The following CLDN16 variants were observed in gnomAD, a reference collection of about 807,000 sequenced individuals.
CLDN16 encodes the protein claudin 16.
Under a neutral mutation model 24.6 loss-of-function variants are expected in CLDN16, and 13 were observed. The ratio of observed to expected loss-of-function variants is 0.53; its 90% CI spans 0.34 to 0.84. The LOEUF (loss-of-function observed/expected upper bound fraction) is 0.84, where lower values mean the gene tolerates loss of function less well. CLDN16 is among the 40% of genes least tolerant of loss of function. The pLI is 0.01. For missense variants in CLDN16, 298 were observed against 292.7 expected, an observed-to-expected ratio of 1.02 and a Z score of -0.13; for synonymous variants, 116 against 106.7, an observed-to-expected ratio of 1.09 and a Z score of -0.54.
At chr3:190,308,219 G>A in the CLDN16 span, 1 of 1,581,782 alleles carries the variant, frequency 6.3e-7, no homozygotes, top group South Asian at 1.1e-5. Flanking sequence ...GTTAATGATA[G>A]TATCTCAATG....
Position 190,410,395 on chromosome 3 carries a change from G to A in CLDN16, c.*359G>A. On this transcript the variant is annotated 3_prime_UTR_variant, in exon 5 of 5. Transcript: ENST00000264734. ...GAAAGCAATTTCCAAAGAGGCCAGG[G>A]ACCCTAATCTTTGAAGAGATGAAGA... 5.5e-6 allele frequency: 1 copy of A among 181,382 alleles called. No individual in the cohort carries two copies. Among genetic ancestry groups the A allele is most frequent in the Non-Finnish European group, 1.2e-5 (1 of 86,144 alleles). The allele number at this position is 181,382 out of a possible 1,614,324, so 11.2% of individuals were successfully genotyped here. A position where few individuals can be genotyped will look rare whatever the true frequency, so the allele number is the denominator to read the frequency against.
At chr3:190,382,282 T>G (rs1384267001) in intron 3 of CLDN16, among the ~76,000 whole-genome samples, 1 of 152,118 alleles carries the variant, frequency 6.6e-6, no homozygotes, top group Non-Finnish European at 1.5e-5. Flanking sequence ...GATGAACATC[T>G]TGTTTTTCCA....
intron 1 of CLDN16, among the ~76,000 whole-genome samples, chr3:190,346,156 C>A (rs146037645): frequency 6.6e-6 from 1 of 150,950 alleles, no homozygotes; most frequent in Non-Finnish European, 1.5e-5. Context: ...ACACCGAGAC[C>A]GAAGGAAAGA....
At chr3:190,333,092 T>C (rs980917743) in intron 1 of CLDN16, among the ~76,000 whole-genome samples, 2 of 152,126 alleles carry the variant, frequency 1.3e-5, no homozygotes, top group African/African-American at 4.8e-5. Flanking sequence ...CATACCCAAA[T>C]AAACCTTTAC....
rs564914540 is a variant in CLDN16, at chr3:190,326,909, A to G, written n.121+4248A>G. On this transcript the variant is annotated intron_variant and non_coding_transcript_variant, in intron 1 of 4. Coordinates refer to the CLDN16 transcript ENST00000468220. ...AGATCCTTTTTATCTTAGAGATACTAGAAACATTCAACTGATTTGAACAAG... is the reference window on the plus strand; with the variant it reads ...AGATCCTTTTTATCTTAGAGATACTGGAAACATTCAACTGATTTGAACAAG... 3.1e-4 allele frequency among the ~76,000 whole-genome samples: 47 copies of G among 152,344 alleles called. No homozygotes were observed. In the South Asian group the frequency reaches 8.9e-3, roughly 29 times the overall value.
chr3:190,375,053 T>C (rs1266975907), intron 3 of CLDN16, among the ~76,000 whole-genome samples: 1 of 151,992 alleles, frequency 6.6e-6, no homozygotes, highest in Admixed American at 6.6e-5. Context: ...GTACCTTGTG[T>C]GTTATTGCAA....
intron 1 of CLDN16, among the ~76,000 whole-genome samples, chr3:190,352,258 G>A (rs1717686294): frequency 6.6e-6 from 1 of 151,822 alleles, no homozygotes; most frequent in Non-Finnish European, 1.5e-5. Flanking sequence ...AGTAAGAAAA[G>A]TTTGCCAAGT....
At chr3:190,298,454 C>CT in the CLDN16 span, among the ~76,000 whole-genome samples, 44,730 of 139,574 alleles carry the variant, frequency 0.32, 7,857 homozygotes, top group East Asian at 0.48. Flanking sequence ...CTGGGAGTTG[C>CT]TTTTTTTTTT....
At chr3:190,371,039 T>TATATATATAA (rs1162902114) in intron 2 of CLDN16, 1 of 2,992 alleles carries the variant, frequency 3.3e-4, no homozygotes, top group Admixed American at 3.8e-3. Flanking sequence ...TATATATATA[T>TATATATATAA]AAAATATATA....
At chr3:190,357,541 C>A (rs78705677) in intron 1 of CLDN16, among the ~76,000 whole-genome samples, 1 of 151,854 alleles carries the variant, frequency 6.6e-6, no homozygotes, top group East Asian at 1.9e-4. Context: ...CAAATGTGAC[C>A]CCTAAGGAAT....
chr3:190,342,737 G>A (rs114521052), intron 1 of CLDN16, among the ~76,000 whole-genome samples: 5,973 of 152,178 alleles, frequency 0.039, 395 homozygotes, highest in African/African-American at 0.13. Context: ...TTCAATAAAT[G>A]GTGCTCAGAA....
intron 1 of CLDN16, among the ~76,000 whole-genome samples, chr3:190,335,023 C>CTTTTTTTTTTTTTTTTTTTTTTTTTT (rs57744577): frequency 7.4e-6 from 1 of 134,346 alleles, no homozygotes; most frequent in Non-Finnish European, 1.6e-5. Context: ...TTTCTTTTTT[C>CTTTTTTTTTTTTTTTTTTTTTTTTTT]TTTTTTTTTT....
At chr3:190,334,620 T>G (rs778520806) in intron 1 of CLDN16, among the ~76,000 whole-genome samples, 1 of 152,236 alleles carries the variant, frequency 6.6e-6, no homozygotes, top group Non-Finnish European at 1.5e-5. Flanking sequence ...GAGAAGCACC[T>G]TTAGAAAGTC....
chr3:190,405,800 T>C (rs945964968), intron 3 of CLDN16, among the ~76,000 whole-genome samples: 1 of 152,218 alleles, frequency 6.6e-6, no homozygotes, highest in African/African-American at 2.4e-5. Flanking sequence ...GCATGACTAA[T>C]AAACAACATA....
chr3:190,312,747 C>T, the CLDN16 span: 5 of 1,043,876 alleles, frequency 4.8e-6, no homozygotes, highest in East Asian at 9.5e-5. Flanking sequence ...GTCAACTGGA[C>T]TTCAGGTCTA....
intron 3 of CLDN16, among the ~76,000 whole-genome samples, chr3:190,378,228 C>T (rs1718286253): frequency 6.6e-6 from 1 of 151,840 alleles, no homozygotes. Flanking sequence ...TGAGGGCTCA[C>T]AATGCACTTA....
intron 1 of CLDN16, among the ~76,000 whole-genome samples, chr3:190,335,455 C>T: frequency 6.6e-6 from 1 of 152,040 alleles, no homozygotes; most frequent in Non-Finnish European, 1.5e-5. Context: ...TGGCTCACGC[C>T]TGTAATCCCA....
At chr3:190,355,602 A>G (rs1381306039) in intron 1 of CLDN16, among the ~76,000 whole-genome samples, 1 of 151,840 alleles carries the variant, frequency 6.6e-6, no homozygotes, top group Admixed American at 6.6e-5. Context: ...TGATTTATGG[A>G]CTTTACATGT....
At chr3:190,297,422 A>G in the CLDN16 span, among the ~76,000 whole-genome samples, 26 of 147,842 alleles carry the variant, frequency 1.8e-4, no homozygotes, top group African/African-American at 5.9e-4. Flanking sequence ...TTACATATAT[A>G]TATATAATTT....
Sources: allele counts gnomAD v4.1 joint callset (sites outside exome capture counted in the v4.1 genomes callset), GRCh38; gene constraint gnomAD v4.1.1; transcripts MANE v1.5; gene names NCBI Gene and HGNC (gene_info 2026-07-23, HGNC 2026-07-21).